SNX24: variants seen among roughly 807,000 people sequenced by gnomAD.
SNX24 encodes sorting nexin-24.
SNX24 carries 22 observed loss-of-function variants against 28.7 expected under a neutral mutation model. That is an observed-to-expected ratio of 0.77 (90% CI 0.55 to 1.10). SNX24 has a LOEUF of 1.10. Ranked by LOEUF, SNX24 falls within the 50% of genes least tolerant of loss-of-function variation. The pLI is 0.00. For missense variants in SNX24, 221 were observed against 201.1 expected, an observed-to-expected ratio of 1.10 and a Z score of -0.60; for synonymous variants, 69 against 71.5, an observed-to-expected ratio of 0.96 and a Z score of 0.18.
At chr5:122,994,965 CA>C (rs1197583741) in intron 3 of SNX24, among the ~76,000 whole-genome samples, 1 of 152,114 alleles carries the variant, frequency 6.6e-6, no homozygotes, top group Admixed American at 6.6e-5. Flanking sequence ...ACACCTGTAA[CA>C]GTTCTTTCAT....
intron 1 of SNX24, among the ~76,000 whole-genome samples, chr5:122,933,672 T>C (rs1759056276): frequency 6.6e-6 from 1 of 152,194 alleles, no homozygotes; most frequent in Non-Finnish European, 1.5e-5. Flanking sequence ...TCCTTCCTGT[T>C]ACTCTATCTT....
intron 3 of SNX24, among the ~76,000 whole-genome samples, chr5:122,974,428 G>A (rs536940419): frequency 7.6e-4 from 116 of 152,334 alleles, no homozygotes; most frequent in African/African-American, 2.5e-3. Context: ...GTTGTTGTAC[G>A]CTGAGGTAGG....
At chr5:122,926,755 A>C (rs1758713887) in intron 1 of SNX24, among the ~76,000 whole-genome samples, 1 of 152,200 alleles carries the variant, frequency 6.6e-6, no homozygotes, top group Admixed American at 6.5e-5. Flanking sequence ...ACAGAAGCTT[A>C]AGCTAGAATC....
At chr5:122,882,508 T>A (rs944971704) in intron 1 of SNX24, among the ~76,000 whole-genome samples, 2 of 152,250 alleles carry the variant, frequency 1.3e-5, no homozygotes, top group African/African-American at 4.8e-5. Flanking sequence ...CCTCTAGGCC[T>A]TCCGGCCTTG....
At chr5:122,913,456 C>T (rs1422216355) in intron 1 of SNX24, among the ~76,000 whole-genome samples, 1 of 151,914 alleles carries the variant, frequency 6.6e-6, no homozygotes, top group African/African-American at 2.4e-5. Flanking sequence ...CCCCCACCTC[C>T]CTTCCGGACG....
chr5:122,869,807 C>A (rs912674305), intron 1 of SNX24, among the ~76,000 whole-genome samples: 1 of 151,884 alleles, frequency 6.6e-6, no homozygotes, highest in African/African-American at 2.4e-5. Context: ...CAGAAATAAT[C>A]TGAGATAGCA....
intron 3 of SNX24, among the ~76,000 whole-genome samples, chr5:122,997,702 A>G (rs924224105): frequency 3.3e-5 from 5 of 152,222 alleles, no homozygotes; most frequent in African/African-American, 1.2e-4. Context: ...GATCCTGGAA[A>G]TTAAGTAGTT....
chr5:122,924,947 G>C (rs1239517418), intron 1 of SNX24, among the ~76,000 whole-genome samples: 2 of 151,574 alleles, frequency 1.3e-5, no homozygotes, highest in Non-Finnish European at 2.9e-5. Context: ...TAAAGGCCTG[G>C]CCTTCCCTCC....
intron 5 of SNX24, among the ~76,000 whole-genome samples, chr5:123,025,534 C>T (rs568264533): frequency 6.2e-4 from 94 of 152,228 alleles, no homozygotes; most frequent in Middle Eastern, 3.4e-3. Context: ...TTAAAAAGGG[C>T]TTTACATTTA....
At position 122,963,119 on chromosome 5, in the gene SNX24, A is replaced by G. The variant is rs368921018; in HGVS notation, c.249+16960A>G. Among the ~76,000 whole-genome samples, 11 of 152,202 alleles carry G rather than the reference A, an allele frequency of 7.2e-5. No individual in the cohort carries two copies. In the East Asian group the frequency reaches 1.3e-3, roughly 19 times the overall value. On this transcript the variant is annotated intron_variant, in intron 3 of 6. Coordinates refer to ENST00000261369, the MANE Select transcript of SNX24 (RefSeq NM_014035.4). ...CCTGGTGGTACACGCCTGTAGTCCC[A>G]GCTACTCAGGAGGCTGAGGCAGGAG... is the stretch of plus-strand genomic sequence containing the variant.
chr5:122,977,303 ATCTATCAACCC>A (rs1264445237), intron 3 of SNX24, among the ~76,000 whole-genome samples: 3 of 152,152 alleles, frequency 2.0e-5, no homozygotes, highest in Non-Finnish European at 4.4e-5. Flanking sequence ...AAATCACCCA[ATCTATCAACCC>A]TCTCTTGCTC....
At chr5:122,977,140 T>C (rs1403529289) in intron 3 of SNX24, among the ~76,000 whole-genome samples, 1 of 152,232 alleles carries the variant, frequency 6.6e-6, no homozygotes. Flanking sequence ...TCCTTTGAAG[T>C]GAAGAAATGG....
chr5:122,882,591 T>A (rs1756529925), intron 1 of SNX24, among the ~76,000 whole-genome samples: 1 of 152,242 alleles, frequency 6.6e-6, no homozygotes, highest in African/African-American at 2.4e-5. Flanking sequence ...TGGGGCTCTC[T>A]GTGTCTTGAA....
Position 123,008,382 on chromosome 5 carries a change from T to C in SNX24, c.*633T>C. ...CTCAGGGGTTAGCTTCCAAGGTCAG[T>C]ACATAGGTAAAATGGGCTATTAGGA... is the stretch of plus-strand genomic sequence containing the variant. On this transcript the variant is annotated 3_prime_UTR_variant, in exon 7 of 7. Transcript: ENST00000261369. The C allele has an allele frequency of 1.3e-6, 1 of 790,984 alleles. No homozygotes were observed. The highest frequency in any genetic ancestry group is 1.5e-6 in the Non-Finnish European group (1 of 652,512). 49.0% of individuals were successfully genotyped at this position (790,984 alleles called of 1,614,324 possible).
intron 5 of SNX24, among the ~76,000 whole-genome samples, chr5:123,016,152 G>C: frequency 6.6e-6 from 1 of 152,154 alleles, no homozygotes; most frequent in East Asian, 1.9e-4. Flanking sequence ...GATATTGGCT[G>C]GATAAATACT....
At chr5:122,876,282 T>C (rs1756218331) in intron 1 of SNX24, among the ~76,000 whole-genome samples, 1 of 152,228 alleles carries the variant, frequency 6.6e-6, no homozygotes, top group South Asian at 2.1e-4. Flanking sequence ...AAAAGCAGCC[T>C]TTGCCTAGAG....
rs1441832047 is a variant in SNX24, at chr5:123,008,145, G to A, written c.*396G>A. 7.0e-6 allele frequency: 7 copies of A among 994,580 alleles called. No homozygotes were observed. Among genetic ancestry groups the A allele is most frequent in the Non-Finnish European group, 8.4e-6 (7 of 836,460 alleles). 61.6% of individuals were successfully genotyped at this position (994,580 alleles called of 1,614,324 possible). On this transcript the variant is annotated 3_prime_UTR_variant, in exon 7 of 7. Coordinates refer to ENST00000261369, the MANE Select transcript of SNX24 (RefSeq NM_014035.4). ...ACTGATCAACTTTGGTAGCTTTTTT[G>A]TTCAGATCTTATGACACACTACTCT...
intron 5 of SNX24, among the ~76,000 whole-genome samples, chr5:123,021,026 C>T (rs867275470): frequency 2.6e-5 from 4 of 152,260 alleles, no homozygotes; most frequent in Middle Eastern, 3.4e-3. Context: ...TCATCTGGCC[C>T]CTTTGCTGTT....
At chr5:122,914,411 A>G (rs1356708147) in intron 1 of SNX24, among the ~76,000 whole-genome samples, 3 of 152,096 alleles carry the variant, frequency 2.0e-5, no homozygotes, top group Non-Finnish European at 4.4e-5. Context: ...CTGGCCTCAT[A>G]AAATGAGTTA....
Sources: allele counts gnomAD v4.1 joint callset (sites outside exome capture counted in the v4.1 genomes callset), GRCh38; gene constraint gnomAD v4.1.1; transcripts MANE v1.5; gene names NCBI Gene and HGNC (gene_info 2026-07-23, HGNC 2026-07-21).